The following CHL1 variants were observed in gnomAD, a reference collection of about 807,000 sequenced individuals.
CHL1 encodes the protein cell adhesion molecule L1 like.
CHL1 carries 96 observed loss-of-function variants against 141.9 expected under a neutral mutation model. The ratio of observed to expected loss-of-function variants is 0.68; its 90% CI spans 0.57 to 0.80. CHL1 has a LOEUF of 0.80. CHL1 is among the 30% of genes least tolerant of loss of function. The pLI is 0.00. For missense variants in CHL1, 1,820 were observed against 1,457.2 expected (o/e 1.25, Z -4.05); for synonymous variants, 613 against 502.2 (o/e 1.22, Z -2.95).
intron 12 of CHL1, among the ~76,000 whole-genome samples, chr3:360,666 T>A (rs1247267095): frequency 6.6e-6 from 1 of 150,896 alleles, no homozygotes; most frequent in Non-Finnish European, 1.5e-5. Flanking sequence ...TGTATACATG[T>A]GCCATGCTGG....
At chr3:306,288 A>C (rs988975797) in intron 2 of CHL1, among the ~76,000 whole-genome samples, 19 of 152,296 alleles carry the variant, frequency 1.2e-4, no homozygotes, top group African/African-American at 4.3e-4. Flanking sequence ...TCTGGAAATC[A>C]TACTTTGTAT....
intron 20 of CHL1, among the ~76,000 whole-genome samples, chr3:389,804 C>T (rs1708073434): frequency 6.6e-6 from 1 of 152,182 alleles, no homozygotes; most frequent in East Asian, 1.9e-4. Flanking sequence ...AGTACATCTG[C>T]CCTTTGCCCT....
chr3:405,156 C>G (rs892302334), intron 27 of CHL1, among the ~76,000 whole-genome samples: 3 of 152,164 alleles, frequency 2.0e-5, no homozygotes, highest in Admixed American at 6.6e-5. Context: ...TGGGAGGACA[C>G]AGATATTCAG....
At chr3:381,094 A>G (rs1390685883) in intron 16 of CHL1, among the ~76,000 whole-genome samples, 1 of 152,188 alleles carries the variant, frequency 6.6e-6, no homozygotes, top group Admixed American at 6.6e-5. Flanking sequence ...TAAGCCAGAA[A>G]TAGGGCCTAG....
At chr3:220,395 G>T (rs938795775) in intron 1 of CHL1, among the ~76,000 whole-genome samples, 1 of 152,170 alleles carries the variant, frequency 6.6e-6, no homozygotes, top group African/African-American at 2.4e-5. Context: ...CTTGAGCCTG[G>T]AAATTCGAGG....
At chr3:203,518 G>A (rs34185553) in intron 1 of CHL1, among the ~76,000 whole-genome samples, 1 of 152,020 alleles carries the variant, frequency 6.6e-6, no homozygotes, top group African/African-American at 2.4e-5. Flanking sequence ...GTAATTAAGG[G>A]ACCTTAAAGA....
intron 1 of CHL1, among the ~76,000 whole-genome samples, chr3:226,385 T>TATATAC (rs1188660253): frequency 6.8e-6 from 1 of 146,918 alleles, no homozygotes; most frequent in African/African-American, 2.5e-5. Context: ...TATATATATA[T>TATATAC]ACTTATATAT....
chr3:363,605 A>G (rs1196607925), intron 14 of CHL1: 4 of 402,302 alleles, frequency 9.9e-6, no homozygotes, highest in African/African-American at 6.1e-5. Flanking sequence ...AGAGGCAGCC[A>G]GGTGTCTGTA....
chr3:293,334 T>C (rs753060003), intron 2 of CHL1, among the ~76,000 whole-genome samples: 3 of 152,026 alleles, frequency 2.0e-5, no homozygotes, highest in Non-Finnish European at 4.4e-5. Context: ...AAAACTTGTC[T>C]CTACTAAAAA....
intron 2 of CHL1, among the ~76,000 whole-genome samples, chr3:297,096 C>A (rs200070839): frequency 6.6e-6 from 1 of 151,906 alleles, no homozygotes; most frequent in African/African-American, 2.4e-5. Flanking sequence ...CATGGTGGTG[C>A]GCACCTGTAG....
rs1289797225 is a variant in CHL1, at chr3:371,329, T to C, written c.1751+5214T>C. 6.6e-5 allele frequency among the ~76,000 whole-genome samples: 10 copies of C among 152,322 alleles called. No homozygotes were observed. The South Asian group carries it at 1.2e-3, about 19-fold the overall frequency. Reference sequence around the variant, plus strand: ...ATATATTTAGAATAGTTAACTCTTCTGGTTGAATTGTTCCCTTTACCACTA... The same window carrying C: ...ATATATTTAGAATAGTTAACTCTTCCGGTTGAATTGTTCCCTTTACCACTA... On this transcript the variant is annotated intron_variant, in intron 15 of 27. Transcript: ENST00000256509.
At chr3:366,328 G>A (rs767664903) in intron 15 of CHL1, among the ~76,000 whole-genome samples, 2 of 151,930 alleles carry the variant, frequency 1.3e-5, no homozygotes, top group African/African-American at 2.4e-5. Context: ...AAAATTAGCC[G>A]GGCATGATGG....
chr3:286,178 C>T (rs1369257529), intron 2 of CHL1, among the ~76,000 whole-genome samples: 1 of 152,154 alleles, frequency 6.6e-6, no homozygotes, highest in Admixed American at 6.6e-5. Flanking sequence ...AGTTTGTCTC[C>T]TGCAAGGCAC....
intron 1 of CHL1, among the ~76,000 whole-genome samples, chr3:244,083 G>C (rs1023014527): frequency 2.7e-5 from 4 of 150,678 alleles, no homozygotes; most frequent in African/African-American, 9.7e-5. Flanking sequence ...GAGATAGGCG[G>C]CTTGGCAAAC....
intron 5 of CHL1, among the ~76,000 whole-genome samples, chr3:329,951 C>A (rs1185955415): frequency 2.6e-5 from 4 of 152,008 alleles, no homozygotes; most frequent in Non-Finnish European, 5.9e-5. Flanking sequence ...GAGATATTAA[C>A]ATATCTTTTT....
intron 22 of CHL1, 93 bp downstream of exon 22, chr3:391,252 T>A (rs1708205768): frequency 9.8e-7 from 1 of 1,017,580 alleles, no homozygotes; most frequent in Non-Finnish European, 1.5e-6. Flanking sequence ...CAGTGGCTCA[T>A]GCCTGTAAAT....
chr3:269,527 C>A (rs114118557), intron 2 of CHL1, among the ~76,000 whole-genome samples: 5,592 of 151,866 alleles, frequency 0.037, 100 homozygotes, highest in Non-Finnish European at 0.045. Flanking sequence ...GACTCTCTCT[C>A]TCTATATATA....
intron 2 of CHL1, among the ~76,000 whole-genome samples, chr3:281,328 C>G (rs1696633784): frequency 6.6e-6 from 1 of 152,140 alleles, no homozygotes; most frequent in Non-Finnish European, 1.5e-5. Context: ...TCCAGGAGTA[C>G]AATAGAAAGG....
chr3:352,290 A>T (rs1703334998), intron 10 of CHL1, among the ~76,000 whole-genome samples: 1 of 152,194 alleles, frequency 6.6e-6, no homozygotes, highest in Non-Finnish European at 1.5e-5. Context: ...GATTTTAATA[A>T]GAACCTGTGA....
Sources: allele counts gnomAD v4.1 joint callset (sites outside exome capture counted in the v4.1 genomes callset), GRCh38; gene constraint gnomAD v4.1.1; transcripts MANE v1.5; gene names NCBI Gene and HGNC (gene_info 2026-07-23, HGNC 2026-07-21).